BID: variants seen among roughly 807,000 people sequenced by gnomAD.
BID encodes BH3 interacting domain death agonist.
A neutral mutation model predicts 17.4 loss-of-function variants in BID; 19 were observed. That is an observed-to-expected ratio of 1.09 (90% CI 0.76 to 1.60). The LOEUF is 1.60. Ranked by LOEUF, BID falls within the 40% of genes most tolerant of loss-of-function variation. BID has a pLI of 0.00. For synonymous variants in BID, 108 were observed against 102.8 expected (o/e 1.05, Z -0.31); for missense variants, 226 against 256.0 (o/e 0.88, Z 0.80).
chr22:17,757,663 A>C (rs887125339), intron 1 of BID, among the ~76,000 whole-genome samples: 14 of 149,784 alleles, frequency 9.3e-5, no homozygotes, highest in Admixed American at 2.7e-4. Flanking sequence ...GAGCCAAGAT[A>C]GCGCCACTGT....
At chr22:17,761,118 G>A (rs982622862) in intron 1 of BID, among the ~76,000 whole-genome samples, 8 of 152,146 alleles carry the variant, frequency 5.3e-5, no homozygotes, top group African/African-American at 1.9e-4. Context: ...TATGTCTATG[G>A]TATTTTTCTT....
At chr22:17,739,645 C>CG (rs1444908408) in intron 3 of BID, 157 bp from the exon 4 acceptor site, 2 of 1,006,338 alleles carry the variant, frequency 2.0e-6, no homozygotes, top group African/African-American at 3.2e-5. Flanking sequence ...CCACAGCGGG[C>CG]GGGCTGAGTA....
rs2061520115 is a variant in BID at position 17,749,385 on chromosome 22, AG to A, written c.12+719del. 2.0e-5 allele frequency among the ~76,000 whole-genome samples: 3 copies of A among 152,320 alleles called. No individual in the cohort carries two copies. In the South Asian group the frequency reaches 6.2e-4, roughly 32 times the overall value. On this transcript the variant is annotated intron_variant, in intron 2 of 5. Transcript: ENST00000622694. Reference sequence around the variant, plus strand: ...AAGACGGGGTCTTACTATGTTGCCCAGGTTTGTCTCAATCAAACTCCTGGCT... The same window carrying A: ...AAGACGGGGTCTTACTATGTTGCCCAGTTTGTCTCAATCAAACTCCTGGCT...
chr22:17,762,389 G>A (rs780147040), intron 1 of BID, among the ~76,000 whole-genome samples: 4 of 152,008 alleles, frequency 2.6e-5, no homozygotes, highest in Admixed American at 6.6e-5. Flanking sequence ...CCAGCTACTC[G>A]GGAGGCTGAG....
intron 1 of BID, among the ~76,000 whole-genome samples, chr22:17,765,133 C>T (rs2061669169): frequency 6.6e-6 from 1 of 152,014 alleles, no homozygotes; most frequent in Admixed American, 6.6e-5. Flanking sequence ...GCCTGTGTGT[C>T]CGGCTCAAGA....
At chr22:17,771,378 C>T (rs1292805756) in intron 1 of BID, among the ~76,000 whole-genome samples, 3 of 152,286 alleles carry the variant, frequency 2.0e-5, no homozygotes, top group South Asian at 2.1e-4. Flanking sequence ...GGATTACAGG[C>T]GTGAGCCACC....
At chr22:17,750,822 CA>C (rs2061533142) in intron 1 of BID, among the ~76,000 whole-genome samples, 1 of 151,060 alleles carries the variant, frequency 6.6e-6, no homozygotes, top group Admixed American at 6.6e-5. Context: ...AGCGAGACTC[CA>C]TCTCAAAAAG....
chr22:17,743,594 C>T (rs2061475299), intron 3 of BID, among the ~76,000 whole-genome samples: 1 of 152,206 alleles, frequency 6.6e-6, no homozygotes, highest in Non-Finnish European at 1.5e-5. Flanking sequence ...CTAACAGAGT[C>T]ACCCAAAAAT....
At chr22:17,736,989 T>C (rs545037011) in intron 5 of BID, among the ~76,000 whole-genome samples, 81 of 152,076 alleles carry the variant, frequency 5.3e-4, no homozygotes, top group Admixed American at 1.1e-3. Flanking sequence ...GTATTTTTAG[T>C]AGAAACGGGG....
rs1205617066 is a variant in BID, at chr22:17,743,891, T to C, written c.135A>G (p.Pro45=). ...RELDALGHEL[P]VLAPQWEGYD... ...AGCCCTCCCACTGGGGAGCCAGCAC[T>C]GGCAGCTCGTGGCCCAGTGCGTCCA... Residue 45 remains proline (P), a synonymous_variant, in exon 3 of 6, where the codon CCA becomes CCG. Transcript: ENST00000622694. The C allele has an allele frequency of 1.7e-5, 27 of 1,613,624 alleles. No homozygotes were observed. Among genetic ancestry groups the C allele is most frequent in the Non-Finnish European group, 2.3e-5 (27 of 1,179,996 alleles).
At chr22:17,748,152 T>C (rs1224315253) in intron 2 of BID, among the ~76,000 whole-genome samples, 1 of 148,450 alleles carries the variant, frequency 6.7e-6, no homozygotes, top group Non-Finnish European at 1.5e-5. Flanking sequence ...GAGCTGGCAG[T>C]GAGCGGAGAT....
At chr22:17,738,745 A>T (rs2061437570) in intron 4 of BID, among the ~76,000 whole-genome samples, 1 of 152,174 alleles carries the variant, frequency 6.6e-6, no homozygotes, top group African/African-American at 2.4e-5. Context: ...ACTGAACAGA[A>T]GCATGATTGG....
intron 1 of BID, among the ~76,000 whole-genome samples, chr22:17,751,088 T>C (rs1469028217): frequency 2.0e-5 from 3 of 151,438 alleles, no homozygotes; most frequent in Non-Finnish European, 2.9e-5. Context: ...TTAAAAAGAC[T>C]GAGGCCGGGC....
In BID at chr22:17,735,322, T is replaced by G; in HGVS notation, c.*258A>C. 1.3e-4 allele frequency: 62 copies of G among 470,174 alleles called. No individual in the cohort carries two copies. Among genetic ancestry groups the G allele is most frequent in the South Asian group, 4.9e-4 (15 of 30,330 alleles). 29.1% of individuals were successfully genotyped at this position (470,174 alleles called of 1,614,324 possible). On this transcript the variant is annotated 3_prime_UTR_variant, in exon 6 of 6. Coordinates refer to ENST00000622694, the MANE Select transcript of BID (RefSeq NM_001196.4). Reference sequence around the variant, plus strand: ...AAGGCACCGTGTGTAGATTTACAGATGTGCAGATTCATGTGTGGATGATAT... The same window carrying G: ...AAGGCACCGTGTGTAGATTTACAGAGGTGCAGATTCATGTGTGGATGATAT...
chr22:17,754,362 C>T (rs569892311), intron 1 of BID, among the ~76,000 whole-genome samples: 4 of 152,388 alleles, frequency 2.6e-5, no homozygotes, highest in Admixed American at 2.0e-4. Context: ...ACCACGGCCT[C>T]GCCAGGAAGG....
chr22:17,738,671 A>C (rs2145873102), intron 4 of BID, among the ~76,000 whole-genome samples: 2 of 152,280 alleles, frequency 1.3e-5, no homozygotes, highest in Middle Eastern at 6.8e-3. Flanking sequence ...ATGCAGAGTT[A>C]CATGGGAGTG....
intron 2 of BID, among the ~76,000 whole-genome samples, chr22:17,744,230 G>T (rs2061480621): frequency 6.6e-6 from 1 of 152,028 alleles, no homozygotes; most frequent in Admixed American, 6.5e-5. Flanking sequence ...CAGGGAGCGA[G>T]CCCCGACTCT....
intron 1 of BID, among the ~76,000 whole-genome samples, chr22:17,758,735 C>A (rs1450697072): frequency 6.6e-6 from 1 of 152,140 alleles, no homozygotes; most frequent in Non-Finnish European, 1.5e-5. Context: ...AAGGCACCTG[C>A]CAAGGGCTGG....
At chr22:17,760,972 G>A (rs2061633962) in intron 1 of BID, among the ~76,000 whole-genome samples, 1 of 152,202 alleles carries the variant, frequency 6.6e-6, no homozygotes, top group Non-Finnish European at 1.5e-5. Context: ...GCCAAGCCCA[G>A]AACTTCTGAA....
Sources: allele counts gnomAD v4.1 joint callset (sites outside exome capture counted in the v4.1 genomes callset), GRCh38; gene constraint gnomAD v4.1.1; transcripts MANE v1.5; gene names NCBI Gene and HGNC (gene_info 2026-07-23, HGNC 2026-07-21).